Variants in IQCN observed in about 807,000 individuals in gnomAD.
The protein encoded by IQCN is IQ motif containing N.
IQCN carries 46 observed loss-of-function variants against 64.4 expected under a neutral mutation model. The ratio of observed to expected loss-of-function variants is 0.71; its 90% CI spans 0.56 to 0.91. The LOEUF (loss-of-function observed/expected upper bound fraction) is 0.91, where lower values mean the gene tolerates loss of function less well. IQCN is among the 40% of genes least tolerant of loss of function. The probability of loss-of-function intolerance (pLI) is 0.00; values close to 1 mark genes in which losing one functional copy is unlikely to be tolerated. For missense variants in IQCN, 1,753 were observed against 1,857.4 expected (o/e 0.94, Z 1.03); for synonymous variants, 733 against 775.6 (o/e 0.95, Z 0.91).
intron 1 of IQCN, among the ~76,000 whole-genome samples, chr19:18,273,304 T>C (rs1014049741): frequency 6.6e-6 from 1 of 152,074 alleles, no homozygotes; most frequent in African/African-American, 2.4e-5. Context: ...AGTGCTGGGA[T>C]TACAGGCATG....
chr19:18,265,746 C>T lies in IQCN; in HGVS notation c.1794G>A (p.Glu598=). 4 of 1,614,200 alleles carry T rather than the reference C, an allele frequency of 2.5e-6. No homozygotes were observed. The highest frequency in any genetic ancestry group is 2.7e-5 in the African/African-American group (2 of 75,048). ...TGATTTTCTCGGCTTCCAAAGGAAGCTCAGCTGCAGCCCTGGGGACCCCAG... is the reference window on the plus strand; with the variant it reads ...TGATTTTCTCGGCTTCCAAAGGAAGTTCAGCTGCAGCCCTGGGGACCCCAG... ...PGTGVPRAAA[E]LPLEAEKIKT... The change falls in exon 3 of 4, where the codon GAG becomes GAA. Residue 598 remains glutamate (E), a synonymous_variant. Coordinates refer to ENST00000392413, the MANE Select transcript of IQCN (RefSeq NM_001145304.2). The surrounding 1 kb of genome is among the most constrained non-coding windows in gnomAD (Gnocchi z 4.7).
At chr19:18,273,628 G>A (rs978722802) in intron 1 of IQCN, among the ~76,000 whole-genome samples, 13 of 152,234 alleles carry the variant, frequency 8.5e-5, no homozygotes, top group African/African-American at 2.2e-4. Context: ...CACCTTGCCC[G>A]GCCTAATTTT....
chr19:18,268,018 G>C (rs377616125), intron 2 of IQCN: 1 of 151,920 alleles, frequency 6.6e-6, no homozygotes, highest in African/African-American at 2.4e-5. Context: ...GGCTGGTCTC[G>C]AACTCCCGAC....
At chr19:18,270,125 C>T (rs1402445319) in intron 1 of IQCN, among the ~76,000 whole-genome samples, 2 of 149,664 alleles carry the variant, frequency 1.3e-5, no homozygotes, top group Non-Finnish European at 3.0e-5. Context: ...TCTGGGAGGC[C>T]GAGGAGGGTG....
intron 3 of IQCN, chr19:18,261,101 G>T (rs1432920819): frequency 6.6e-6 from 1 of 152,408 alleles, no homozygotes; most frequent in Non-Finnish European, 1.5e-5. Context: ...CGTGAGCTTG[G>T]TTTGGGGACA....
intron 3 of IQCN, chr19:18,258,644 A>G (rs1349267069): frequency 2.9e-6 from 1 of 347,814 alleles, no homozygotes. Context: ...CTGACCTCTG[A>G]AGAAGACTAG....
chr19:18,270,051 T>TAAAA (rs60981546), intron 1 of IQCN, among the ~76,000 whole-genome samples: 4,877 of 75,742 alleles, frequency 0.064, 290 homozygotes, highest in African/African-American at 0.092. Context: ...AACTGTCTCT[T>TAAAA]AAAAAAAAAA....
At chr19:18,261,357 T>C (rs949246435) in intron 3 of IQCN, 1 of 150,996 alleles carries the variant, frequency 6.6e-6, no homozygotes, top group Non-Finnish European at 1.5e-5. Flanking sequence ...TCCAATGGTG[T>C]GAAATGGCAT....
rs751039357 is a variant in IQCN at position 18,258,237 on chromosome 19, T to C, written c.3178-131A>G. On this transcript the variant is annotated intron_variant, in intron 3 of 3. Coordinates refer to ENST00000392413, the MANE Select transcript of IQCN (RefSeq NM_001145304.2). The stretch of plus-strand genomic sequence containing the variant: ...CAGGGAACCACTTGGGGAAGACTCA[T>C]AGCCTAGAGACACCCTCCGAACTCC... 1.5e-5 allele frequency: 15 copies of C among 980,170 alleles called. 1 individual carries two copies. The South Asian group carries it at 2.0e-4, about 13-fold the overall frequency. 60.7% of individuals were successfully genotyped at this position (980,170 alleles called of 1,614,324 possible). A position where few individuals can be genotyped will look rare whatever the true frequency, so the allele number is the denominator to read the frequency against.
intron 3 of IQCN, chr19:18,258,451 T>C: frequency 1.8e-6 from 1 of 547,816 alleles, no homozygotes; most frequent in South Asian, 1.5e-5. Flanking sequence ...GGAACAATCC[T>C]ACCATGCACG....
At chr19:18,267,693 CT>C in intron 2 of IQCN, 167 bp from the exon 3 acceptor site, 1 of 738,180 alleles carries the variant, frequency 1.4e-6, no homozygotes, top group Non-Finnish European at 2.0e-6. Flanking sequence ...CTTTGCCATC[CT>C]TATATCCACC....
intron 1 of IQCN, among the ~76,000 whole-genome samples, chr19:18,273,417 A>C (rs921237302): frequency 2.0e-5 from 3 of 151,922 alleles, no homozygotes; most frequent in African/African-American, 7.3e-5. Flanking sequence ...GGCTCACTGC[A>C]ACCTCTGCCT....
chr19:18,270,925 G>A (rs748747942), intron 1 of IQCN, among the ~76,000 whole-genome samples: 2 of 151,874 alleles, frequency 1.3e-5, no homozygotes, highest in African/African-American at 2.4e-5. Flanking sequence ...TGTCATCCCA[G>A]CACTTCGGGA....
intron 3 of IQCN, chr19:18,259,537 G>A (rs545411058): frequency 1.3e-5 from 2 of 152,438 alleles, no homozygotes; most frequent in African/African-American, 2.4e-5. Context: ...GAGCCCGGGG[G>A]AAGGCTGGAG....
intron 1 of IQCN, among the ~76,000 whole-genome samples, chr19:18,273,995 G>A (rs1969798678): frequency 6.6e-6 from 1 of 152,166 alleles, no homozygotes; most frequent in Non-Finnish European, 1.5e-5. Flanking sequence ...GCTCAGCTGG[G>A]CGCAGTGGCT....
Position 18,265,278 on chromosome 19 carries a change from C to G in IQCN, c.2262G>C (p.Thr754=). The change falls in exon 3 of 4, where the codon ACG becomes ACC. Residue 754 remains threonine, a synonymous_variant. Transcript: ENST00000392413. This position sits in a 1 kb window ranked among gnomAD's most constrained non-coding sequence, Gnocchi z 4.7. ...CAGCCTGGTGCGCTGGGATGAGGCA[C>G]GTGGTTATGTCTGTGATCGGCTGCC... is the stretch of plus-strand genomic sequence containing the variant. ...SRGQPITDIT[T]CLIPAHQAAD... 2 of 1,613,972 alleles carry G rather than the reference C, an allele frequency of 1.2e-6. No homozygotes were observed. The highest frequency in any genetic ancestry group is 1.7e-6 in the Non-Finnish European group (2 of 1,179,984).
intron 1 of IQCN, among the ~76,000 whole-genome samples, chr19:18,271,045 A>T (rs924520931): frequency 2.0e-5 from 3 of 150,176 alleles, no homozygotes; most frequent in Admixed American, 1.3e-4. Context: ...AGTGGCATGC[A>T]CCTGTAATCC....
rs764848298 is a variant in IQCN at position 18,265,457 on chromosome 19, GTCC to G, written c.2080_2082del (p.Gly694del). 3.1e-6 allele frequency: 5 copies of G among 1,613,880 alleles called. No individual in the cohort carries two copies. Among genetic ancestry groups the G allele is most frequent in the Non-Finnish European group, 4.2e-6 (5 of 1,179,770 alleles). The stretch of plus-strand genomic sequence containing the variant: ...GTCTTGGTCAGCTCAGTGGGCAGAT[GTCC>G]CTGAGATGAGGCCTTGGTCAGCGGG... On this transcript the variant is annotated inframe_deletion, in exon 3 of 4. Transcript: ENST00000392413. This position sits in a 1 kb window ranked among gnomAD's most constrained non-coding sequence, Gnocchi z 4.7.
In IQCN at chr19:18,257,865, GC is replaced by G. The variant is rs781149862; in HGVS notation, c.3418del (p.Ala1140ProfsTer96). 4 of 1,612,040 alleles carry G rather than the reference GC, an allele frequency of 2.5e-6. No individual in the cohort carries two copies. The South Asian group carries it at 3.3e-5, about 13-fold the overall frequency. On this transcript the variant is annotated frameshift_variant, in exon 4 of 4. Transcript: ENST00000392413. LOFTEE classifies it low-confidence loss of function (END_TRUNC). ...RRRIRLWHRG[A>X]MVIQATWRGY... is the part of the protein sequence containing the mutation. ...GCGCCAAGTAGCTTGGATGACCATG[GC>G]CCCCCGGTGCCACAGCCGGATCCTG...
Sources: allele counts gnomAD v4.1 joint callset (sites outside exome capture counted in the v4.1 genomes callset), GRCh38; gene constraint gnomAD v4.1.1; non-coding constraint Gnocchi (gnomAD v3.1); transcripts MANE v1.5; gene names NCBI Gene and HGNC (gene_info 2026-07-23, HGNC 2026-07-21).